LETMD1: variants seen among roughly 807,000 people sequenced by gnomAD.
LETMD1 encodes LETM1 domain-containing protein 1.
In LETMD1, 30 loss-of-function variants were observed where a neutral mutation model predicts 43.9. The observed-to-expected ratio is 0.68, with a 90% confidence interval of 0.51 to 0.93. The LOEUF (loss-of-function observed/expected upper bound fraction) is 0.93, where lower values mean the gene tolerates loss of function less well. LETMD1 is among the 40% of genes least tolerant of loss of function. The probability of loss-of-function intolerance (pLI) is 0.00; values close to 1 mark genes in which losing one functional copy is unlikely to be tolerated. For synonymous variants in LETMD1, 176 were observed against 163.1 expected, an observed-to-expected ratio of 1.08 and a Z score of -0.60; for missense variants, 413 against 447.7, an observed-to-expected ratio of 0.92 and a Z score of 0.70.
intron 3 of LETMD1, among the ~76,000 whole-genome samples, chr12:51,053,164 G>C (rs1262810649): frequency 3.3e-5 from 5 of 152,066 alleles, no homozygotes; most frequent in Non-Finnish European, 5.9e-5. Context: ...AGTAGTATTT[G>C]GTGGTGACTT....
chr12:51,067,982 A>G, the LETMD1 span: 1 of 1,610,476 alleles, frequency 6.2e-7, no homozygotes, highest in South Asian at 1.1e-5. The surrounding 1 kb of genome is among the most constrained non-coding windows in gnomAD (Gnocchi z 4.1). Flanking sequence ...GCCAAGAGAC[A>G]GGAAAGGTTA....
chr12:51,063,786 G>A (rs1345103577), downstream of LETMD1: 1 of 1,593,414 alleles, frequency 6.3e-7, no homozygotes. Flanking sequence ...ATCTTCAGGG[G>A]GCCGATCCTC....
In LETMD1 at chr12:51,049,043, G is replaced by C; in HGVS notation, c.132G>C (p.Lys44Asn). Reference sequence around the variant, plus strand: ...TTGATCTTCCTTGTAGGTCTTCAAAGCTTCACCTTTCTCCAAAGGCAGATG... The same window carrying C: ...TTGATCTTCCTTGTAGGTCTTCAAACCTTCACCTTTCTCCAAAGGCAGATG... The part of the protein sequence containing the change: ...GLAWGAPRSS[K>N]LHLSPKADVK... The change falls in exon 2 of 9, where the codon AAG (lysine) becomes AAC (asparagine). Residue 44 changes from lysine to asparagine, a missense_variant. Lys to Asn is a moderately conservative substitution (Grantham distance 94). Coordinates refer to ENST00000262055, the MANE Select transcript of LETMD1 (RefSeq NM_015416.5). 3 of 1,613,922 alleles carry C rather than the reference G, an allele frequency of 1.9e-6. No homozygotes were observed. Among genetic ancestry groups the C allele is most frequent in the Non-Finnish European group, 2.5e-6 (3 of 1,179,926 alleles).
intron 4 of LETMD1, 142 bp from the exon 5 acceptor site, chr12:51,055,691 CTG>C (rs1947480621): frequency 2.4e-5 from 5 of 211,620 alleles, no homozygotes; most frequent in African/African-American, 6.3e-5. Context: ...AAAAAAAAAA[CTG>C]AAAAAGAAAA....
At chr12:51,058,440 C>T (rs982687183) in intron 8 of LETMD1, 14 of 262,128 alleles carry the variant, frequency 5.3e-5, no homozygotes, top group African/African-American at 6.8e-5. Context: ...TATTTTGAGA[C>T]GGGGTTTCGC....
downstream of LETMD1, chr12:51,061,152 T>C (rs181037653): frequency 2.6e-5 from 4 of 152,306 alleles, no homozygotes; most frequent in African/African-American, 9.6e-5. Context: ...GAAGCATCCT[T>C]TTTCTAACAA....
At chr12:51,050,202 T>G (rs1385209460) in intron 2 of LETMD1, among the ~76,000 whole-genome samples, 4 of 151,656 alleles carry the variant, frequency 2.6e-5, no homozygotes, top group Non-Finnish European at 5.9e-5. Context: ...ATGAAAGCAT[T>G]TGTGTTTGTT....
chr12:51,059,019 T>A (rs1176135555), intron 8 of LETMD1: 1 of 318,260 alleles, frequency 3.1e-6, no homozygotes, highest in Non-Finnish European at 6.1e-6. Flanking sequence ...GGCCTTTGGA[T>A]GTTAGGGTAG....
downstream of LETMD1, chr12:51,063,963 T>A: frequency 6.2e-7 from 1 of 1,613,204 alleles, no homozygotes; most frequent in Non-Finnish European, 8.5e-7. Flanking sequence ...CACCTCTGAT[T>A]TACAGAGGGC....
At chr12:51,060,701 G>A (rs1948782065), downstream of LETMD1, among the ~76,000 whole-genome samples, 1 of 152,110 alleles carries the variant, frequency 6.6e-6, no homozygotes, top group African/African-American at 2.4e-5. Context: ...AGGAGATCAA[G>A]ACCATCCTGG....
chr12:51,068,562 G>T, the LETMD1 span, among the ~76,000 whole-genome samples: 1 of 152,000 alleles, frequency 6.6e-6, no homozygotes, highest in Non-Finnish European at 1.5e-5. Context: ...CACCTTTCTG[G>T]GTCCAAGCTT....
chr12:51,055,108 A>C (rs1242446066), intron 4 of LETMD1, among the ~76,000 whole-genome samples: 1 of 152,046 alleles, frequency 6.6e-6, no homozygotes, highest in East Asian at 1.9e-4. Context: ...TCAAAAAAAA[A>C]ACAACAAATC....
upstream of LETMD1, chr12:51,048,265 A>G: frequency 6.4e-7 from 1 of 1,555,562 alleles, no homozygotes. Context: ...ATCAGCGCTC[A>G]GAAAAGACGC....
At chr12:51,048,964 A>G in intron 1 of LETMD1, 70 bp from the exon 2 acceptor site, 1 of 1,408,286 alleles carries the variant, frequency 7.1e-7, no homozygotes, top group Non-Finnish European at 9.8e-7. Context: ...CCTGCTTTAC[A>G]TTAGGGACTC....
intron 2 of LETMD1, 134 bp from the exon 3 acceptor site, chr12:51,051,958 A>T (rs771085897): frequency 5.8e-6 from 4 of 683,972 alleles, no homozygotes; most frequent in Non-Finnish European, 9.4e-6. Flanking sequence ...GTTTCAAGTT[A>T]CCTAGTTTAA....
chr12:51,049,444 C>T (rs1478496285), intron 2 of LETMD1: 2 of 373,764 alleles, frequency 5.4e-6, no homozygotes, highest in Non-Finnish European at 9.8e-6. Flanking sequence ...ACTTTCTTAA[C>T]CACACACCTG....
In LETMD1 at chr12:51,055,997, G is replaced by T; in HGVS notation, c.636G>T (p.Trp212Cys). Reference sequence around the variant, plus strand: ...TCATTTCTGATGCAGGACTCCGGTGGCGTCTGACAGATCTGTGCACCAAGG... The same window carrying T: ...TCATTTCTGATGCAGGACTCCGGTGTCGTCTGACAGATCTGTGCACCAAGG... ...IPLISDAGLR[W>C]RLTDLCTKIQ... Residue 212 changes from tryptophan to cysteine, a missense_variant, in exon 5 of 9, where the codon TGG (tryptophan) becomes TGT (cysteine). Trp to Cys is a radical substitution (Grantham distance 215, BLOSUM62 -2). Coordinates refer to ENST00000262055, the MANE Select transcript of LETMD1 (RefSeq NM_015416.5). 1 of 1,613,992 alleles carries T rather than the reference G, an allele frequency of 6.2e-7. No homozygotes were observed.
At position 51,060,391 on chromosome 12, in the gene LETMD1, G is replaced by A. The variant is rs970686877; in HGVS notation, c.*960G>A. 6.6e-6 allele frequency: 1 copy of A among 152,262 alleles called. No individual in the cohort carries two copies. Among genetic ancestry groups the A allele is most frequent in the African/African-American group, 2.4e-5 (1 of 41,454 alleles). 9.4% of individuals were successfully genotyped at this position (152,262 alleles called of 1,614,324 possible). ...CATGAAGCACTGTTTTTAAACCCAA[G>A]TAAAGACTGCTTGAAACCTGTTGAT... is the stretch of plus-strand genomic sequence containing the variant. On this transcript the variant is annotated 3_prime_UTR_variant, in exon 9 of 9. Coordinates refer to ENST00000262055, the MANE Select transcript of LETMD1 (RefSeq NM_015416.5).
downstream of LETMD1, chr12:51,064,279 C>A: frequency 6.2e-7 from 1 of 1,612,628 alleles, no homozygotes; most frequent in South Asian, 1.1e-5. Flanking sequence ...TCTTCGGGGA[C>A]AGCCAGAGGC....
Sources: allele counts gnomAD v4.1 joint callset (sites outside exome capture counted in the v4.1 genomes callset), GRCh38; gene constraint gnomAD v4.1.1; non-coding constraint Gnocchi (gnomAD v3.1); transcripts MANE v1.5; gene names NCBI Gene and HGNC (gene_info 2026-07-23, HGNC 2026-07-21).